Variants in PAPPA2 observed in about 807,000 individuals in gnomAD.
PAPPA2 encodes the protein pappalysin 2, also known as pappalysin-2.
PAPPA2 carries 86 observed loss-of-function variants against 176.4 expected under a neutral mutation model. The observed-to-expected ratio is 0.49, with a 90% CI of 0.41 to 0.58. The LOEUF is 0.58. Ranked by LOEUF, PAPPA2 falls within the 20% of genes least tolerant of loss-of-function variation. PAPPA2 has a pLI of 0.00. For synonymous variants in PAPPA2, 809 were observed against 852.2 expected (o/e 0.95, Z 0.88); for missense variants, 2,073 against 2,256.9 (o/e 0.92, Z 1.65).
intron 21 of PAPPA2, among the ~76,000 whole-genome samples, chr1:176,805,321 C>T (rs1179882760): frequency 1.3e-5 from 2 of 152,270 alleles, no homozygotes; most frequent in East Asian, 3.9e-4. Flanking sequence ...GCTCTGCTTT[C>T]TCTGTGAGCA....
At chr1:176,570,256 C>T (rs747062975) in intron 2 of PAPPA2, among the ~76,000 whole-genome samples, 18 of 152,160 alleles carry the variant, frequency 1.2e-4, no homozygotes, top group African/African-American at 3.1e-4. Context: ...GCACCTTCTC[C>T]GGCCCTTTGA....
chr1:176,743,015 G>C (rs998573214), intron 14 of PAPPA2, among the ~76,000 whole-genome samples: 1 of 152,124 alleles, frequency 6.6e-6, no homozygotes, highest in Non-Finnish European at 1.5e-5. Flanking sequence ...ACCTAAGTCA[G>C]CCTCTCCAGT....
At chr1:176,528,098 G>GT (rs1323787582) in intron 1 of PAPPA2, among the ~76,000 whole-genome samples, 1 of 152,204 alleles carries the variant, frequency 6.6e-6, no homozygotes, top group African/African-American at 2.4e-5. Context: ...ATCATGCCAA[G>GT]CTTGGCATTC....
At chr1:176,765,021 C>T (rs1571293665) in intron 14 of PAPPA2, among the ~76,000 whole-genome samples, 1 of 152,310 alleles carries the variant, frequency 6.6e-6, no homozygotes, top group East Asian at 1.9e-4. Flanking sequence ...AGGCATGGGA[C>T]ATGGATTCAA....
At position 176,690,428 on chromosome 1, in the gene PAPPA2, C is replaced by A; in HGVS notation, c.2429C>A (p.Thr810Lys). Residue 810 changes from threonine to lysine, a missense_variant and splice_region_variant, in exon 5 of 23, where the codon ACG (threonine) becomes AAG (lysine). Transcript: ENST00000367662. Reference sequence around the variant, plus strand: ...CCGTTCACCAACTACATGAGCTACACGGGTATCACCACTGTCTTGTTTTGT... The same window carrying A: ...CCGTTCACCAACTACATGAGCTACAAGGGTATCACCACTGTCTTGTTTTGT... ...GAPFTNYMSY[T>K]DDNCTDNFTP... 2 of 1,613,356 alleles carry A rather than the reference C, an allele frequency of 1.2e-6. No individual in the cohort carries two copies. Among genetic ancestry groups the A allele is most frequent in the Non-Finnish European group, 1.7e-6 (2 of 1,179,368 alleles).
At chr1:176,698,885 A>ACAAG (rs1479227746) in intron 7 of PAPPA2, among the ~76,000 whole-genome samples, 2 of 152,158 alleles carry the variant, frequency 1.3e-5, no homozygotes, top group African/African-American at 2.4e-5. Context: ...TGCTAAGGGC[A>ACAAG]CCATGTACAG....
At chr1:176,674,734 GT>G (rs765026167) in intron 4 of PAPPA2, among the ~76,000 whole-genome samples, 18,247 of 137,144 alleles carry the variant, frequency 0.13, 1,004 homozygotes, top group South Asian at 0.24. Context: ...GTGTGCAAGT[GT>G]TTTTTTTTTT....
At position 176,748,512 on chromosome 1, in the gene PAPPA2, T is replaced by A. The variant is rs575075650; in HGVS notation, c.4151+8316T>A. ...CAGATTTTTTCCCCTTATTCTTTAGTCTGCTTCAGAGCCATCTTCTTCATG... is the reference window on the plus strand; with the variant it reads ...CAGATTTTTTCCCCTTATTCTTTAGACTGCTTCAGAGCCATCTTCTTCATG... On this transcript the variant is annotated intron_variant, in intron 14 of 22. Transcript: ENST00000367662. Among the ~76,000 whole-genome samples, 138 of 152,294 alleles carry A rather than the reference T, an allele frequency of 9.1e-4. 1 individual carries two copies. The highest frequency in any genetic ancestry group is 1.8e-3 in the Non-Finnish European group (122 of 68,020).
At chr1:176,705,766 A>G (rs968341772) in intron 9 of PAPPA2, among the ~76,000 whole-genome samples, 4 of 152,180 alleles carry the variant, frequency 2.6e-5, no homozygotes, top group Admixed American at 2.6e-4. Flanking sequence ...TGTTAGCTGT[A>G]ACCAGGTGGT....
At chr1:176,481,098 C>T (rs149025944) in intron 1 of PAPPA2, among the ~76,000 whole-genome samples, 34 of 152,194 alleles carry the variant, frequency 2.2e-4, no homozygotes, top group Non-Finnish European at 4.6e-4. Context: ...TAAGTTTGAA[C>T]GTAAAGTGAC....
At chr1:176,695,904 A>T in intron 7 of PAPPA2, 45 bp downstream of exon 7, 3 of 1,604,362 alleles carry the variant, frequency 1.9e-6, no homozygotes, top group Non-Finnish European at 2.5e-6. Flanking sequence ...GTGACCACTG[A>T]GGATGGGGGT....
intron 21 of PAPPA2, among the ~76,000 whole-genome samples, chr1:176,824,953 C>T (rs1168473795): frequency 6.6e-6 from 1 of 152,166 alleles, no homozygotes; most frequent in East Asian, 1.9e-4. Context: ...GACTGGAGTG[C>T]CTGCAGGCTG....
intron 3 of PAPPA2, among the ~76,000 whole-genome samples, chr1:176,635,201 T>C (rs1381105526): frequency 6.6e-6 from 1 of 152,158 alleles, no homozygotes; most frequent in Non-Finnish European, 1.5e-5. Context: ...GCATTTTGCA[T>C]GACAACCCAG....
At chr1:176,475,593 G>GA (rs1319369501) in intron 1 of PAPPA2, among the ~76,000 whole-genome samples, 3 of 151,798 alleles carry the variant, frequency 2.0e-5, no homozygotes, top group East Asian at 1.9e-4. Context: ...ATGGGAACTG[G>GA]AAAAAAAATG....
chr1:176,603,691 A>G (rs1654454616), intron 3 of PAPPA2, among the ~76,000 whole-genome samples: 1 of 152,046 alleles, frequency 6.6e-6, no homozygotes. Context: ...TCAAATACAA[A>G]TTAGCTACCT....
intron 21 of PAPPA2, among the ~76,000 whole-genome samples, chr1:176,811,679 A>G (rs1214525275): frequency 6.6e-6 from 1 of 152,176 alleles, no homozygotes; most frequent in Non-Finnish European, 1.5e-5. Flanking sequence ...ACTACCTGCC[A>G]AATTCTAATC....
Position 176,739,643 on chromosome 1 carries a change from A to C in PAPPA2, c.3816A>C (p.Pro1272=). 1.2e-6 allele frequency: 2 copies of C among 1,613,476 alleles called. No individual in the cohort carries two copies. Among genetic ancestry groups the C allele is most frequent in the Non-Finnish European group, 1.7e-6 (2 of 1,179,556 alleles). The change falls in exon 13 of 23, where the codon CCA becomes CCC. Residue 1272 remains proline, a synonymous_variant. Transcript: ENST00000367662. ...EVWLKVCFNR[P]GEARAIFIFL... ...ATGCTTAGGTGTGTTTCAATAGACC[A>C]GGAGAGGCCAGAGCAATTTTTATTT...
chr1:176,809,310 GT>G, intron 21 of PAPPA2, among the ~76,000 whole-genome samples: 1 of 152,326 alleles, frequency 6.6e-6, no homozygotes, highest in Non-Finnish European at 1.5e-5. Flanking sequence ...GAGTAGAAAG[GT>G]GGGGCCTTGG....
At chr1:176,646,658 T>G (rs755890780) in intron 3 of PAPPA2, among the ~76,000 whole-genome samples, 1 of 151,308 alleles carries the variant, frequency 6.6e-6, no homozygotes, top group African/African-American at 2.4e-5. Context: ...TGAGAACATA[T>G]GAAGTTTGTC....
Sources: gnomAD v4.1 joint callset for allele counts (sites outside exome capture counted in the v4.1 genomes callset) on GRCh38, gnomAD v4.1.1 for gene constraint, MANE v1.5 for transcripts, NCBI Gene and HGNC (gene_info 2026-07-23, HGNC 2026-07-21) for gene names.